Variants in DPP10 observed in about 807,000 individuals in gnomAD.
The protein encoded by DPP10 is dipeptidyl peptidase like 10.
In DPP10, 33 loss-of-function variants were observed where a neutral mutation model predicts 120.9. That is an observed-to-expected ratio of 0.27 (90% CI 0.21 to 0.37). DPP10 has a LOEUF of 0.37. DPP10 is among the 10% of genes least tolerant of loss of function. The pLI is 1.00. For missense variants in DPP10, 816 were observed against 942.8 expected, an observed-to-expected ratio of 0.87 and a Z score of 1.76; for synonymous variants, 337 against 326.1, an observed-to-expected ratio of 1.03 and a Z score of -0.36.
chr2:114,482,724 A>T (rs1248518329), intron 1 of DPP10, among the ~76,000 whole-genome samples: 8 of 152,200 alleles, frequency 5.3e-5, no homozygotes, highest in Admixed American at 5.2e-4. Flanking sequence ...CAAGCTTCAG[A>T]TAGAGACTCT....
intron 1 of DPP10, among the ~76,000 whole-genome samples, chr2:115,036,837 A>G (rs1460367802): frequency 6.6e-6 from 1 of 152,194 alleles, no homozygotes; most frequent in East Asian, 1.9e-4. Context: ...AAATTTCTGC[A>G]TTAGAATCGA....
chr2:115,748,672 C>G (rs1001857126), intron 10 of DPP10, among the ~76,000 whole-genome samples: 1 of 152,030 alleles, frequency 6.6e-6, no homozygotes, highest in Admixed American at 6.6e-5. Context: ...TTTATAATAA[C>G]TAGTGTTTAT....
chr2:115,219,050 G>A (rs961670841), intron 1 of DPP10, among the ~76,000 whole-genome samples: 1 of 152,022 alleles, frequency 6.6e-6, no homozygotes, highest in African/African-American at 2.4e-5. Flanking sequence ...ATTTATCAAA[G>A]TATCTGAAGT....
At position 114,705,154 on chromosome 2, in the gene DPP10, A is replaced by G. The variant is rs116880692; in HGVS notation, c.60+262316A>G. On this transcript the variant is annotated intron_variant, in intron 1 of 25. Coordinates refer to ENST00000410059, the MANE Select transcript of DPP10 (RefSeq NM_020868.6). ...TGGTCAAATAGTAATTCTACAATGG[A>G]AGAAAATTGAAAGCCACATTGAGCT... Among the ~76,000 whole-genome samples, 45 of 152,296 alleles carry G rather than the reference A, an allele frequency of 3.0e-4. 1 individual carries two copies. In the East Asian group the frequency reaches 8.7e-3, roughly 29 times the overall value.
At chr2:114,976,111 G>A (rs1030382601) in intron 1 of DPP10, among the ~76,000 whole-genome samples, 2 of 152,054 alleles carry the variant, frequency 1.3e-5, no homozygotes, top group Admixed American at 1.3e-4. Flanking sequence ...TTTTTTAAAT[G>A]CTCAACAATG....
chr2:115,279,512 TAAGA>T (rs1014920798), intron 1 of DPP10, among the ~76,000 whole-genome samples: 5 of 152,070 alleles, frequency 3.3e-5, no homozygotes, highest in Non-Finnish European at 4.4e-5. Context: ...TTTTCTTTTG[TAAGA>T]AAGATTTTCT....
At chr2:115,158,653 A>T (rs944381539) in intron 1 of DPP10, among the ~76,000 whole-genome samples, 4 of 151,972 alleles carry the variant, frequency 2.6e-5, no homozygotes, top group African/African-American at 7.3e-5. Context: ...CTTTTCAGTT[A>T]TGAGAGTCTG....
intron 3 of DPP10, among the ~76,000 whole-genome samples, chr2:115,462,398 C>T (rs1163614747): frequency 6.6e-6 from 1 of 152,148 alleles, no homozygotes; most frequent in Non-Finnish European, 1.5e-5. Context: ...GTGATCACTA[C>T]AGTGTCAAAT....
chr2:114,663,582 A>G lies in DPP10; in HGVS notation c.60+220744A>G, dbSNP rs984067946. On this transcript the variant is annotated intron_variant, in intron 1 of 25. Transcript: ENST00000410059. ...CCCTGTCATTATTCTTCTTTTGTAT[A>G]CATCATATACGTGTATGTACATATG... Among the ~76,000 whole-genome samples, 7 of 149,118 alleles carry G rather than the reference A, an allele frequency of 4.7e-5. No homozygotes were observed. The East Asian group carries it at 1.4e-3, about 29-fold the overall frequency.
chr2:115,714,188 A>G (rs549258143), intron 7 of DPP10, among the ~76,000 whole-genome samples: 3 of 152,308 alleles, frequency 2.0e-5, no homozygotes, highest in East Asian at 3.9e-4. Context: ...CTGTATTAAT[A>G]CCTGTAGGAG....
At chr2:115,374,229 C>T (rs2065621442) in intron 3 of DPP10, among the ~76,000 whole-genome samples, 1 of 152,186 alleles carries the variant, frequency 6.6e-6, no homozygotes, top group Non-Finnish European at 1.5e-5. Context: ...ATCCCTTCCA[C>T]CTAGGAGTTA....
At chr2:115,006,395 A>G (rs1285067900) in intron 1 of DPP10, among the ~76,000 whole-genome samples, 5 of 152,024 alleles carry the variant, frequency 3.3e-5, no homozygotes, top group African/African-American at 4.8e-5. Flanking sequence ...AATGGACTAA[A>G]TGCTCCAATT....
At chr2:115,814,664 C>G in intron 19 of DPP10, 129 bp from the exon 20 acceptor site, 1 of 654,822 alleles carries the variant, frequency 1.5e-6, no homozygotes, top group East Asian at 3.2e-5. Context: ...GGTTTATTAT[C>G]AAGAATTAAC....
At chr2:115,834,403 T>G (rs1055874508) in intron 21 of DPP10, among the ~76,000 whole-genome samples, 2 of 152,172 alleles carry the variant, frequency 1.3e-5, no homozygotes, top group African/African-American at 4.8e-5. Context: ...ATGTTAATAT[T>G]TTTTAATACC....
chr2:115,038,240 A>ATATTTATTTATTTATTGTTTTATT (rs1003115337), intron 1 of DPP10, among the ~76,000 whole-genome samples: 112 of 151,308 alleles, frequency 7.4e-4, no homozygotes, highest in African/African-American at 2.6e-3. Context: ...TACTCAGCAA[A>ATATTTATTTATTTATTGTTTTATT]TATTTATTTA....
At chr2:115,714,728 T>C (rs1375152239) in intron 7 of DPP10, among the ~76,000 whole-genome samples, 1 of 152,188 alleles carries the variant, frequency 6.6e-6, no homozygotes, top group Admixed American at 6.5e-5. Flanking sequence ...TAGCCCTTTC[T>C]CTGCTTAGAA....
intron 3 of DPP10, among the ~76,000 whole-genome samples, chr2:115,349,750 G>A (rs1256263356): frequency 6.6e-6 from 1 of 152,076 alleles, no homozygotes; most frequent in Admixed American, 6.6e-5. Context: ...CATCTTTGTT[G>A]TTTCTTGCTT....
At chr2:115,610,244 C>T (rs1201093831) in intron 5 of DPP10, among the ~76,000 whole-genome samples, 1 of 152,074 alleles carries the variant, frequency 6.6e-6, no homozygotes, top group Non-Finnish European at 1.5e-5. Context: ...ATGGACCTCA[C>T]CTGCATAAGA....
intron 1 of DPP10, among the ~76,000 whole-genome samples, chr2:115,279,655 CTTTTTTTTTTTTT>C (rs70941039): frequency 7.0e-5 from 3 of 42,712 alleles, no homozygotes; most frequent in East Asian, 8.1e-4. Flanking sequence ...TTTTCTTCTT[CTTTTTTTTTTTTT>C]TTTTTTTTTT....
Sources: allele counts gnomAD v4.1 joint callset (sites outside exome capture counted in the v4.1 genomes callset), GRCh38; gene constraint gnomAD v4.1.1; transcripts MANE v1.5; gene names NCBI Gene and HGNC (gene_info 2026-07-23, HGNC 2026-07-21).